Variants in ALG1L2 observed in about 807,000 individuals in gnomAD.
The protein encoded by ALG1L2 is ALG1 chitobiosyldiphosphodolichol beta-mannosyltransferase like 2, also known as putative glycosyltransferase ALG1L2.
In ALG1L2, 32 loss-of-function variants were observed where a neutral mutation model predicts 29.0. That is an observed-to-expected ratio of 1.10 (90% CI 0.83 to 1.48). ALG1L2 has a LOEUF of 1.48. Among genes scored for constraint, ALG1L2 ranks in the 40% most tolerant of loss-of-function variants. ALG1L2 has a pLI of 0.00. For missense variants in ALG1L2, 318 were observed against 274.1 expected (o/e 1.16, Z -1.13); for synonymous variants, 110 against 109.5 (o/e 1.00, Z -0.03).
At chr3:130,082,655 A>G (rs1365001001) in intron 1 of ALG1L2, among the ~76,000 whole-genome samples, 1 of 145,660 alleles carries the variant, frequency 6.9e-6, no homozygotes, top group African/African-American at 2.4e-5. Flanking sequence ...ATGTTTTATC[A>G]GTGAAATCCA....
intron 1 of ALG1L2, among the ~76,000 whole-genome samples, chr3:130,084,037 G>A (rs1225209990): frequency 6.6e-6 from 1 of 151,502 alleles, no homozygotes; most frequent in African/African-American, 2.4e-5. Context: ...TGAGCCTGCA[G>A]TGGCCATGGG....
At chr3:130,084,184 G>T (rs1467128676) in intron 1 of ALG1L2, among the ~76,000 whole-genome samples, 1 of 151,006 alleles carries the variant, frequency 6.6e-6, no homozygotes, top group African/African-American at 2.4e-5. Flanking sequence ...ACAACAGCTG[G>T]GTATGGTGGC....
chr3:130,086,969 G>T (rs1349395785), intron 1 of ALG1L2, among the ~76,000 whole-genome samples: 10 of 151,340 alleles, frequency 6.6e-5, no homozygotes, highest in African/African-American at 2.2e-4. Context: ...CTTTGCCAAA[G>T]CTCCAGGTTC....
rs1435927328 is a variant in ALG1L2 at position 130,097,352 on chromosome 3, C to T, written c.615+102C>T. The T allele has an allele frequency of 3.1e-5, 46 of 1,492,544 alleles. No homozygotes were observed. The Middle Eastern group carries it at 7.3e-4, about 24-fold the overall frequency. The allele number at this position is 1,492,544 out of a possible 1,614,324, so 92.5% of individuals were successfully genotyped here. On this transcript the variant is annotated intron_variant, in intron 7 of 7. Coordinates refer to ENST00000425059, the MANE Select transcript of ALG1L2 (RefSeq NM_001136152.1). Reference sequence around the variant, plus strand: ...TTCACACAGCCAGGGTGGGACCATGCGGGGTCTGGCGGAAAAGCTAGGGAG... The same window carrying T: ...TTCACACAGCCAGGGTGGGACCATGTGGGGTCTGGCGGAAAAGCTAGGGAG...
chr3:130,092,586 G>A (rs891498262), intron 3 of ALG1L2, among the ~76,000 whole-genome samples: 2 of 152,102 alleles, frequency 1.3e-5, no homozygotes, highest in African/African-American at 2.4e-5. Context: ...GAGGTGGGCC[G>A]CCCTGAATCC....
Position 130,096,131 on chromosome 3 carries a change from CTGT to C in ALG1L2, c.509_511del (p.Cys170del), listed in dbSNP as rs1224656801. Reference sequence around the variant, plus strand: ...TGAAGGTGGTGGACATGTTCAGGTGCTGTTTGCCTGCGTGTGCCGTGAACTTCA... The same window carrying C: ...TGAAGGTGGTGGACATGTTCAGGTGCTTGCCTGCGTGTGCCGTGAACTTCA... On this transcript the variant is annotated inframe_deletion, in exon 6 of 8. Coordinates refer to ENST00000425059, the MANE Select transcript of ALG1L2 (RefSeq NM_001136152.1). 1 of 1,612,008 alleles carries C rather than the reference CTGT, an allele frequency of 6.2e-7. No individual in the cohort carries two copies. Among genetic ancestry groups the C allele is most frequent in the Middle Eastern group, 2.3e-4 (1 of 4,430 alleles).
At chr3:130,086,120 A>C (rs1934886112) in intron 1 of ALG1L2, among the ~76,000 whole-genome samples, 1 of 151,480 alleles carries the variant, frequency 6.6e-6, no homozygotes, top group African/African-American at 2.4e-5. Context: ...ACATACGCAC[A>C]GGAGGCAAAC....
intron 7 of ALG1L2, among the ~76,000 whole-genome samples, chr3:130,097,889 CA>C (rs1214357459): frequency 6.6e-6 from 1 of 152,202 alleles, no homozygotes; most frequent in Non-Finnish European, 1.5e-5. Context: ...GACAGTTTAG[CA>C]AGGCTGAAAA....
At chr3:130,092,079 G>T in intron 2 of ALG1L2, 22 bp from the exon 3 acceptor site, 2 of 1,612,556 alleles carry the variant, frequency 1.2e-6, no homozygotes, top group Non-Finnish European at 1.7e-6. Context: ...GCCTCTCACA[G>T]GGTTTTTTTC....
intron 7 of ALG1L2, among the ~76,000 whole-genome samples, 183 bp downstream of exon 7, chr3:130,097,433 C>T (rs1368607390): frequency 6.6e-6 from 1 of 152,144 alleles, no homozygotes; most frequent in Admixed American, 6.5e-5. Flanking sequence ...GTACAGTAGG[C>T]TCGGTAAAGT....
chr3:130,092,586 G>T (rs891498262), intron 3 of ALG1L2, among the ~76,000 whole-genome samples: 3 of 152,102 alleles, frequency 2.0e-5, no homozygotes, highest in Non-Finnish European at 4.4e-5. Flanking sequence ...GAGGTGGGCC[G>T]CCCTGAATCC....
chr3:130,088,746 C>A (rs1029806962), intron 1 of ALG1L2, among the ~76,000 whole-genome samples: 1 of 24,080 alleles, frequency 4.2e-5, no homozygotes, highest in Non-Finnish European at 1.5e-4. Context: ...AAGGGGAGCT[C>A]CCCTGCACAA....
At chr3:130,082,495 G>C (rs1445447723) in intron 1 of ALG1L2, among the ~76,000 whole-genome samples, 2 of 132,074 alleles carry the variant, frequency 1.5e-5, no homozygotes, top group African/African-American at 5.1e-5. Flanking sequence ...CTGCCACCAC[G>C]CCTGGCTAAT....
At chr3:130,083,658 C>CT (rs141314012) in intron 1 of ALG1L2, among the ~76,000 whole-genome samples, 1,375 of 118,792 alleles carry the variant, frequency 0.012, 42 homozygotes, top group Non-Finnish European at 0.02. Context: ...AAAATGTTAA[C>CT]TTTTTTTTTA....
chr3:130,089,488 C>CAAAAAAAAAAAA (rs143039942), intron 1 of ALG1L2: 19 of 99,308 alleles, frequency 1.9e-4, no homozygotes, highest in African/African-American at 6.9e-4. Flanking sequence ...CCTTCATAAT[C>CAAAAAAAAAAAA]AAAAAAAGAA....
rs1935033762 is a variant in ALG1L2, at chr3:130,092,227, G to GC, written c.253+6dup. 2.0e-5 allele frequency: 32 copies of GC among 1,609,020 alleles called. No homozygotes were observed. The East Asian group carries it at 7.2e-4, about 36-fold the overall frequency. ...TCAGCAGCACAAGCTGGACAGGTCT[G>GC]CATGACCACTGGGGCACTTGGGGTT... On this transcript the variant is annotated splice_donor_region_variant and intron_variant, in intron 3 of 7. Transcript: ENST00000425059.
At chr3:130,085,540 T>A (rs2108114939) in intron 1 of ALG1L2, among the ~76,000 whole-genome samples, 2 of 150,144 alleles carry the variant, frequency 1.3e-5, no homozygotes, top group Admixed American at 1.3e-4. Context: ...CCTGGCCAAT[T>A]TCCCCTTTCC....
intron 1 of ALG1L2, among the ~76,000 whole-genome samples, chr3:130,087,215 G>T (rs1199057269): frequency 6.6e-6 from 1 of 150,556 alleles, no homozygotes; most frequent in African/African-American, 2.4e-5. Flanking sequence ...CTGATGCAAT[G>T]CACAGAGAAC....
intron 1 of ALG1L2, among the ~76,000 whole-genome samples, chr3:130,084,976 T>TTTATTTATTTATTTA (rs1181775147): frequency 0.044 from 3,296 of 75,640 alleles, 29 homozygotes; most frequent in African/African-American, 0.083. Context: ...TTATTTATTT[T>TTTATTTATTTATTTA]GAGACAGAAT....
Sources: gnomAD v4.1 joint callset for allele counts (sites outside exome capture counted in the v4.1 genomes callset) on GRCh38, gnomAD v4.1.1 for gene constraint, MANE v1.5 for transcripts, NCBI Gene and HGNC (gene_info 2026-07-23, HGNC 2026-07-21) for gene names.